Variants in GLP1R observed in about 807,000 individuals in gnomAD.
GLP1R encodes the protein glucagon-like peptide 1 receptor.
Under a neutral mutation model 68.4 loss-of-function variants are expected in GLP1R, and 32 were observed. The observed-to-expected ratio is 0.47, with a 90% confidence interval of 0.35 to 0.63. The LOEUF (loss-of-function observed/expected upper bound fraction) is 0.63, where lower values mean the gene tolerates loss of function less well. Ranked by LOEUF, GLP1R falls within the 20% of genes least tolerant of loss-of-function variation. GLP1R has a pLI of 0.00. For synonymous variants in GLP1R, 263 were observed against 244.4 expected (o/e 1.08, Z -0.71); for missense variants, 502 against 594.9 (o/e 0.84, Z 1.62).
chr6:39,073,165 C>A, intron 6 of GLP1R, 150 bp downstream of exon 6: 1 of 689,796 alleles, frequency 1.4e-6, no homozygotes, highest in Non-Finnish European at 2.4e-6. Flanking sequence ...AGAGGCAGTT[C>A]GCCTTGGGAC....
chr6:39,081,141 A>C (rs1005321289), intron 12 of GLP1R, among the ~76,000 whole-genome samples: 8 of 87,228 alleles, frequency 9.2e-5, no homozygotes, highest in Non-Finnish European at 2.1e-4. Context: ...ACATCCCTCA[A>C]AAAAAAACCC....
In GLP1R at chr6:39,079,754, G is replaced by T. The variant is rs2150836625; in HGVS notation, c.1182+52G>T. The T allele has an allele frequency of 1.3e-6, 2 of 1,500,348 alleles. No homozygotes were observed. Among genetic ancestry groups the T allele is most frequent in the Non-Finnish European group, 9.2e-7 (1 of 1,083,018 alleles). The allele number at this position is 1,500,348 out of a possible 1,614,324, so 92.9% of individuals were successfully genotyped here. On this transcript the variant is annotated intron_variant, in intron 11 of 12. Transcript: ENST00000373256. The surrounding 1 kb of genome is among the most constrained non-coding windows in gnomAD (Gnocchi z 4.5). ...TTGTAAAGTCCTAGAGTGGGGGTGG[G>T]ACAGACACCAGCCTGCATCATGCAG...
At chr6:39,077,649 A>G (rs1050267285) in intron 7 of GLP1R, among the ~76,000 whole-genome samples, 10 of 152,254 alleles carry the variant, frequency 6.6e-5, no homozygotes, top group African/African-American at 2.4e-4. Flanking sequence ...ACCCAAGGGT[A>G]TGAGCACAGG....
intron 5 of GLP1R, among the ~76,000 whole-genome samples, chr6:39,072,244 T>C (rs1032756100): frequency 3.9e-5 from 6 of 152,238 alleles, no homozygotes; most frequent in South Asian, 2.1e-4. Context: ...GGGCAGGATC[T>C]GTAGTTACAA....
At chr6:39,068,121 A>C (rs1768563664) in intron 5 of GLP1R, among the ~76,000 whole-genome samples, 1 of 152,254 alleles carries the variant, frequency 6.6e-6, no homozygotes, top group African/African-American at 2.4e-5. Flanking sequence ...AAGAATTAAA[A>C]TTCAAATAAA....
chr6:39,057,710 T>C, intron 3 of GLP1R, 131 bp downstream of exon 3: 1 of 628,950 alleles, frequency 1.6e-6, no homozygotes, highest in Non-Finnish European at 2.9e-6. Context: ...GGGCCAGCAG[T>C]GGTGAGCCCC....
intron 2 of GLP1R, among the ~76,000 whole-genome samples, chr6:39,056,757 C>T (rs1295079339): frequency 6.6e-6 from 1 of 152,178 alleles, no homozygotes; most frequent in Non-Finnish European, 1.5e-5. Flanking sequence ...ATCATTTGGC[C>T]CTTACTCGTT....
At chr6:39,069,802 C>A (rs980665645) in intron 5 of GLP1R, among the ~76,000 whole-genome samples, 1 of 152,160 alleles carries the variant, frequency 6.6e-6, no homozygotes, top group African/African-American at 2.4e-5. Flanking sequence ...TTACATGACT[C>A]CCCACTCTCG....
chr6:39,063,527 G>T (rs775294327), intron 3 of GLP1R, among the ~76,000 whole-genome samples: 10 of 152,198 alleles, frequency 6.6e-5, no homozygotes, highest in Non-Finnish European at 1.5e-4. Context: ...CCCAGGTGAA[G>T]TATCTTTTAA....
chr6:39,073,503 C>A, intron 6 of GLP1R, 107 bp from the exon 7 acceptor site: 1 of 948,272 alleles, frequency 1.1e-6, no homozygotes, highest in Non-Finnish European at 1.6e-6. Context: ...GCTCTCTCCT[C>A]CTGCATTAAC....
chr6:39,059,148 T>C (rs1026475177), intron 3 of GLP1R, among the ~76,000 whole-genome samples: 2 of 152,368 alleles, frequency 1.3e-5, no homozygotes, highest in East Asian at 3.9e-4. Context: ...GGCAGGAGCC[T>C]GGGCCCATCA....
intron 12 of GLP1R, among the ~76,000 whole-genome samples, chr6:39,081,569 G>C (rs1769014769): frequency 6.6e-6 from 1 of 152,204 alleles, no homozygotes; most frequent in South Asian, 2.1e-4. Flanking sequence ...CTTCCACCAA[G>C]GTACTCAGCT....
chr6:39,071,002 T>C (rs1369787709), intron 5 of GLP1R, among the ~76,000 whole-genome samples: 1 of 152,150 alleles, frequency 6.6e-6, no homozygotes, highest in Non-Finnish European at 1.5e-5. Flanking sequence ...ATTGATTGCT[T>C]TAAAATTATT....
intron 2 of GLP1R, among the ~76,000 whole-genome samples, chr6:39,056,855 C>A (rs529073870): frequency 6.6e-6 from 1 of 152,322 alleles, no homozygotes; most frequent in East Asian, 1.9e-4. Context: ...GCCAGCCCCC[C>A]AGCTAGAGCC....
intron 3 of GLP1R, among the ~76,000 whole-genome samples, chr6:39,058,284 G>A (rs1407058111): frequency 6.6e-6 from 1 of 152,172 alleles, no homozygotes; most frequent in Non-Finnish European, 1.5e-5. Context: ...ACCTGGCAGT[G>A]ACATTTAGCT....
chr6:39,085,379 T>G (rs568968669), intron 12 of GLP1R, among the ~76,000 whole-genome samples: 1 of 152,304 alleles, frequency 6.6e-6, no homozygotes, highest in East Asian at 1.9e-4. Flanking sequence ...GTTTCCCGTC[T>G]CAGCCACATT....
chr6:39,081,430 G>A (rs1383468846), intron 12 of GLP1R, among the ~76,000 whole-genome samples: 1 of 152,182 alleles, frequency 6.6e-6, no homozygotes, highest in Non-Finnish European at 1.5e-5. Context: ...ATGGGAGAAG[G>A]GGGTTCTCGC....
intron 5 of GLP1R, 23 bp from the exon 6 acceptor site, chr6:39,072,839 A>G (rs908308857): frequency 1.2e-6 from 2 of 1,607,868 alleles, no homozygotes; most frequent in African/African-American, 2.7e-5. Context: ...CTTGCCAGGG[A>G]AAGGCCCTGC....
intron 12 of GLP1R, among the ~76,000 whole-genome samples, chr6:39,085,224 T>C (rs1562020532): frequency 6.6e-6 from 1 of 152,126 alleles, no homozygotes; most frequent in Non-Finnish European, 1.5e-5. Context: ...CCTGAGAGGC[T>C]TTTCCTGATG....
Sources: allele counts gnomAD v4.1 joint callset (sites outside exome capture counted in the v4.1 genomes callset), GRCh38; gene constraint gnomAD v4.1.1; non-coding constraint Gnocchi (gnomAD v3.1); transcripts MANE v1.5; gene names NCBI Gene and HGNC (gene_info 2026-07-23, HGNC 2026-07-21).